The following CHL1 variants were observed in gnomAD, a reference collection of about 807,000 sequenced individuals.
CHL1 encodes neural cell adhesion molecule L1-like protein.
CHL1 carries 96 observed loss-of-function variants against 141.9 expected under a neutral mutation model. The ratio of observed to expected loss-of-function variants is 0.68; its 90% CI spans 0.57 to 0.80. CHL1 has a LOEUF of 0.80. Ranked by LOEUF, CHL1 falls within the 30% of genes least tolerant of loss-of-function variation. CHL1 has a pLI of 0.00. For missense variants in CHL1, 1,820 were observed against 1,457.2 expected (o/e 1.25, Z -4.05); for synonymous variants, 613 against 502.2 (o/e 1.22, Z -2.95).
chr3:211,897 C>T (rs1394397952), intron 1 of CHL1, among the ~76,000 whole-genome samples: 3 of 152,000 alleles, frequency 2.0e-5, no homozygotes, highest in Non-Finnish European at 4.4e-5. Flanking sequence ...GGTATCAGTC[C>T]TCTTTAGCGA....
intron 2 of CHL1, among the ~76,000 whole-genome samples, chr3:272,189 T>C (rs1695693072): frequency 6.6e-6 from 1 of 152,250 alleles, no homozygotes. Context: ...GCTACTGTTA[T>C]TTGAAACACA....
chr3:346,057 T>A (rs1276249889), intron 9 of CHL1, among the ~76,000 whole-genome samples: 2 of 152,206 alleles, frequency 1.3e-5, no homozygotes, highest in Non-Finnish European at 2.9e-5. Context: ...GCTAAGGGCT[T>A]TGGGGACTCT....
At chr3:336,598 G>A (rs1357828790) in intron 5 of CHL1, among the ~76,000 whole-genome samples, 1 of 149,614 alleles carries the variant, frequency 6.7e-6, no homozygotes, top group Non-Finnish European at 1.5e-5. Flanking sequence ...AAAACAAAAT[G>A]AGATACAGAA....
In CHL1 at chr3:228,093, C is replaced by T. The variant is rs537825164; in HGVS notation, c.-174-16520C>T. On this transcript the variant is annotated intron_variant, in intron 1 of 27. Transcript: ENST00000256509. Reference sequence around the variant, plus strand: ...AACACTGCCTAATGGAATTGATCTACAACAAGACCATAGCTGGAGTGAAAG... The same window carrying T: ...AACACTGCCTAATGGAATTGATCTATAACAAGACCATAGCTGGAGTGAAAG... 1.9e-3 allele frequency among the ~76,000 whole-genome samples: 290 copies of T among 152,230 alleles called. 1 individual carries two copies. Among genetic ancestry groups the T allele is most frequent in the Non-Finnish European group, 3.2e-3 (216 of 68,022 alleles).
chr3:399,807 C>T (rs1302688433), intron 26 of CHL1, among the ~76,000 whole-genome samples: 4 of 152,252 alleles, frequency 2.6e-5, no homozygotes, highest in African/African-American at 9.6e-5. Flanking sequence ...TCTCTCTATG[C>T]ATGACATACA....
chr3:229,368 C>T (rs1034628499), intron 1 of CHL1, among the ~76,000 whole-genome samples: 1 of 152,116 alleles, frequency 6.6e-6, no homozygotes, highest in Non-Finnish European at 1.5e-5. Flanking sequence ...CCCCATGCCC[C>T]CGTTGATAAG....
rs1378532460 is a variant in CHL1, at chr3:344,770, C to T, written c.848+61C>T. 8 of 1,529,128 alleles carry T rather than the reference C, an allele frequency of 5.2e-6. No homozygotes were observed. In the South Asian group the frequency reaches 7.0e-5, roughly 13 times the overall value. The allele number at this position is 1,529,128 out of a possible 1,614,324, so 94.7% of individuals were successfully genotyped here. A position where few individuals can be genotyped will look rare whatever the true frequency, so the allele number is the denominator to read the frequency against. On this transcript the variant is annotated intron_variant, in intron 9 of 27. Transcript: ENST00000256509. ...TCCAGTTCTGTAAAGAATAAGACAT[C>T]AAGCACATTAAGACTGTGCTTGCAA...
At chr3:232,837 T>C (rs1323914678) in intron 1 of CHL1, among the ~76,000 whole-genome samples, 1 of 152,174 alleles carries the variant, frequency 6.6e-6, no homozygotes, top group African/African-American at 2.4e-5. Flanking sequence ...GCTGTTCTGT[T>C]CATTTAACTT....
At chr3:319,610 A>G (rs1700404003) in intron 2 of CHL1, 73 bp from the exon 3 acceptor site, 1 of 486,348 alleles carries the variant, frequency 2.1e-6, no homozygotes, top group Non-Finnish European at 3.6e-6. Flanking sequence ...AAAAAAAAAA[A>G]GAAGGTATTT....
intron 15 of CHL1, among the ~76,000 whole-genome samples, chr3:372,964 G>C (rs1705836428): frequency 6.6e-6 from 1 of 152,176 alleles, no homozygotes; most frequent in Non-Finnish European, 1.5e-5. Flanking sequence ...GAACAGCCAA[G>C]ATGGGTGCCT....
intron 2 of CHL1, among the ~76,000 whole-genome samples, chr3:245,139 G>A (rs967686707): frequency 6.6e-6 from 1 of 152,154 alleles, no homozygotes; most frequent in Non-Finnish European, 1.5e-5. Flanking sequence ...ACGACTTACA[G>A]CTTCAGTCAC....
intron 5 of CHL1, among the ~76,000 whole-genome samples, chr3:337,587 A>G (rs766736364): frequency 2.7e-5 from 4 of 149,456 alleles, no homozygotes; most frequent in African/African-American, 4.9e-5. Context: ...TCATTGTTCA[A>G]TTCCCACTTA....
chr3:233,564 C>G (rs1318928878), intron 1 of CHL1, among the ~76,000 whole-genome samples: 1 of 152,144 alleles, frequency 6.6e-6, no homozygotes, highest in Non-Finnish European at 1.5e-5. Flanking sequence ...CTGCTTACCA[C>G]TTTCTTCCCA....
At chr3:297,381 T>C (rs950765509) in intron 2 of CHL1, among the ~76,000 whole-genome samples, 2 of 152,252 alleles carry the variant, frequency 1.3e-5, no homozygotes, top group African/African-American at 4.8e-5. Context: ...ATTATTGGTA[T>C]TATTGCTGCA....
rs1156693098 is a variant in CHL1, at chr3:409,060, A to G, written c.*3349A>G. ...AAATATGTTTACATACCATTAAGAT[A>G]TGATTCATGTAACAATGTTAAATTA... On this transcript the variant is annotated 3_prime_UTR_variant, in exon 28 of 28. Coordinates refer to ENST00000256509, the MANE Select transcript of CHL1 (RefSeq NM_006614.4). 1 of 152,132 alleles carries G rather than the reference A, an allele frequency of 6.6e-6. No homozygotes were observed. Among genetic ancestry groups the G allele is most frequent in the Non-Finnish European group, 1.5e-5 (1 of 68,006 alleles). The allele number at this position is 152,132 out of a possible 1,614,324, so 9.4% of individuals were successfully genotyped here. A position where few individuals can be genotyped will look rare whatever the true frequency, so the allele number is the denominator to read the frequency against.
intron 12 of CHL1, 104 bp from the exon 13 acceptor site, chr3:361,595 G>T (rs1318768487): frequency 7.0e-6 from 5 of 717,692 alleles, no homozygotes; most frequent in Non-Finnish European, 1.0e-5. Flanking sequence ...ATAATATTCT[G>T]CTGTTTTCTG....
At chr3:365,566 A>G (rs2125290571) in intron 14 of CHL1, among the ~76,000 whole-genome samples, 1 of 152,246 alleles carries the variant, frequency 6.6e-6, no homozygotes, top group South Asian at 2.1e-4. Flanking sequence ...AATAATAAAC[A>G]CCCTAACAGA....
At chr3:323,856 C>A (rs1020797126) in intron 3 of CHL1, among the ~76,000 whole-genome samples, 1 of 152,006 alleles carries the variant, frequency 6.6e-6, no homozygotes, top group Non-Finnish European at 1.5e-5. Flanking sequence ...GTGAGCAAGA[C>A]CCTGACTCAA....
At chr3:201,781 T>G (rs1381906436) in intron 1 of CHL1, among the ~76,000 whole-genome samples, 1 of 152,214 alleles carries the variant, frequency 6.6e-6, no homozygotes, top group Non-Finnish European at 1.5e-5. Flanking sequence ...TTCTCCCTTC[T>G]AATGTTTGTT....
Sources: allele counts gnomAD v4.1 joint callset (sites outside exome capture counted in the v4.1 genomes callset), GRCh38; gene constraint gnomAD v4.1.1; transcripts MANE v1.5; gene names NCBI Gene and HGNC (gene_info 2026-07-23, HGNC 2026-07-21).